RASEF: variants seen among roughly 807,000 people sequenced by gnomAD.
RASEF encodes the protein RAS and EF-hand domain containing.
A neutral mutation model predicts 90.1 loss-of-function variants in RASEF; 68 were observed. That is an observed-to-expected ratio of 0.75 (90% confidence interval 0.62 to 0.92). The LOEUF is 0.92. Ranked by LOEUF, RASEF falls within the 40% of genes least tolerant of loss-of-function variation. The probability of loss-of-function intolerance (pLI) is 0.00; values close to 1 mark genes in which losing one functional copy is unlikely to be tolerated. For synonymous variants in RASEF, 331 were observed against 345.2 expected (o/e 0.96, Z 0.46); for missense variants, 949 against 937.2 (o/e 1.01, Z -0.16).
At chr9:82,990,051 A>T (rs1267556516) in intron 16 of RASEF, among the ~76,000 whole-genome samples, 2 of 152,322 alleles carry the variant, frequency 1.3e-5, no homozygotes, top group East Asian at 3.9e-4. Context: ...GCCCGGGAAA[A>T]TATCATAATA....
At position 83,007,495 on chromosome 9, in the gene RASEF, T is replaced by C. The variant is rs767015983; in HGVS notation, c.970A>G (p.Ile324Val). The change falls in exon 7 of 17, where the codon ATA becomes GTA. Residue 324 changes from isoleucine (I) to valine (V), a missense_variant. Ile to Val is a conservative substitution (Grantham distance 29). Transcript: ENST00000376447. Reference sequence around the variant, plus strand: ...CGATCTTCTGTGTATGCTCGGATTATTTCCAGATCCCTGTAAAATTGTATT... The same window carrying C: ...CGATCTTCTGTGTATGCTCGGATTACTTCCAGATCCCTGTAAAATTGTATT... ...QSLNTERDLE[I>V]IRAYTEDRNS... 10 of 1,612,700 alleles carry C rather than the reference T, an allele frequency of 6.2e-6. No homozygotes were observed. In the East Asian group the frequency reaches 2.2e-4, roughly 36 times the overall value.
chr9:83,185,974 G>C, the RASEF span, among the ~76,000 whole-genome samples: 1,908 of 152,230 alleles, frequency 0.013, 39 homozygotes, highest in African/African-American at 0.044. Flanking sequence ...GGGTGGCGGG[G>C]GGGGCAAGGG....
At chr9:83,176,732 A>G in the RASEF span, among the ~76,000 whole-genome samples, 1 of 152,008 alleles carries the variant, frequency 6.6e-6, no homozygotes, top group Non-Finnish European at 1.5e-5. Context: ...AATTCAAGTG[A>G]GACCTATAAA....
At chr9:82,993,642 G>A (rs1828855875) in intron 14 of RASEF, among the ~76,000 whole-genome samples, 1 of 152,192 alleles carries the variant, frequency 6.6e-6, no homozygotes, top group African/African-American at 2.4e-5. Context: ...AAGTCCTGAA[G>A]GTCAACATTT....
the RASEF span, among the ~76,000 whole-genome samples, chr9:83,151,587 T>C: frequency 1.3e-5 from 2 of 152,218 alleles, no homozygotes. Flanking sequence ...ATTATCTCCA[T>C]TTTGCAACTG....
chr9:83,218,339 C>T, the RASEF span, among the ~76,000 whole-genome samples: 1 of 152,120 alleles, frequency 6.6e-6, no homozygotes, highest in Admixed American at 6.5e-5. Flanking sequence ...TAAAACAACA[C>T]TCCCCTCCCT....
intron 1 of RASEF, chr9:83,048,609 G>A (rs1281402321): frequency 6.1e-6 from 6 of 985,258 alleles, no homozygotes; most frequent in African/African-American, 5.2e-5. Flanking sequence ...GAAAAAGGGC[G>A]AGAAGAGTTT....
At chr9:83,145,800 T>C in the RASEF span, among the ~76,000 whole-genome samples, 2 of 152,064 alleles carry the variant, frequency 1.3e-5, no homozygotes, top group African/African-American at 4.8e-5. Context: ...ACATCTTATG[T>C]GCTATTAAGA....
At chr9:83,166,830 C>G in the RASEF span, among the ~76,000 whole-genome samples, 1 of 152,194 alleles carries the variant, frequency 6.6e-6, no homozygotes, top group African/African-American at 2.4e-5. Context: ...CACTGGCACA[C>G]TCAGGTAGAC....
the RASEF span, among the ~76,000 whole-genome samples, chr9:83,092,402 C>CAG: frequency 6.6e-6 from 1 of 152,060 alleles, no homozygotes; most frequent in Non-Finnish European, 1.5e-5. Flanking sequence ...CGGATATGTT[C>CAG]AGAGTTTCTT....
Position 82,992,877 on chromosome 9 carries a change from T to G in RASEF, c.2040+29A>C, listed in dbSNP as rs1587478395. 6 of 1,611,230 alleles carry G rather than the reference T, an allele frequency of 3.7e-6. No homozygotes were observed. In the East Asian group the frequency reaches 1.3e-4, roughly 36 times the overall value. ...CAAAGCCATTAAACCCCATGTTCTC[T>G]TCTAATTCTGAGGCATCCTCACTCT... On this transcript the variant is annotated intron_variant, in intron 15 of 16. Transcript: ENST00000376447.
chr9:83,067,074 A>G (rs530516161), upstream of RASEF, among the ~76,000 whole-genome samples: 1 of 152,330 alleles, frequency 6.6e-6, no homozygotes, highest in Admixed American at 6.5e-5. Flanking sequence ...AAGTAGGGAA[A>G]GCTTTTAGTG....
chr9:83,015,873 T>C lies in RASEF; in HGVS notation c.697A>G (p.Ser233Gly), dbSNP rs776724090. Residue 233 changes from serine (S) to glycine (G), a missense_variant, in exon 4 of 17, where the codon AGT becomes GGT. Transcript: ENST00000376447. ...DEKRKAEEAL[S>G]DLRRQYETEV... ...GTTTCATACTGACGTCTGAGGTCAC[T>C]GAGGGCTTCCTCAGCTTTGCGTTTT... 6.2e-6 allele frequency: 10 copies of C among 1,613,888 alleles called. No individual in the cohort carries two copies. In the Admixed American group the frequency reaches 6.7e-5, roughly 11 times the overall value.
the RASEF span, among the ~76,000 whole-genome samples, chr9:83,172,860 C>T: frequency 6.6e-6 from 1 of 151,862 alleles, no homozygotes; most frequent in Non-Finnish European, 1.5e-5. Context: ...TCACTTTTAT[C>T]CCTTAAGATG....
chr9:83,190,012 A>G, the RASEF span, among the ~76,000 whole-genome samples: 3 of 152,032 alleles, frequency 2.0e-5, no homozygotes, highest in Admixed American at 2.0e-4. Context: ...AGCTGCCCCA[A>G]ATGTTCTGCT....
the RASEF span, among the ~76,000 whole-genome samples, chr9:83,215,140 C>A: frequency 6.6e-6 from 1 of 151,708 alleles, no homozygotes; most frequent in East Asian, 2.0e-4. Context: ...ACTGGACAGC[C>A]CAACTCCAGG....
rs2118342370 is a variant in RASEF at position 82,982,681 on chromosome 9, C to T, written c.2219G>A (p.Gly740Asp). 6.5e-7 allele frequency: 1 copy of T among 1,546,270 alleles called. No individual in the cohort carries two copies. The highest frequency in any genetic ancestry group is 2.2e-5 in the East Asian group (1 of 44,502). The change falls in exon 17 of 17, where the codon GGC (glycine) becomes GAC (aspartate). Residue 740 changes from glycine (G) to aspartate (D), a missense_variant. Gly to Asp is a moderately conservative substitution (Grantham distance 94, BLOSUM62 -1). Transcript: ENST00000376447. ...CAGGCCAAGGATGTTTGGGATTTAG[C>T]CATTGCAACAATTCTTCATCTGTGG... is the stretch of plus-strand genomic sequence containing the variant. ...KSPQMKNCCNG is the reference protein window; with the variant it reads ...KSPQMKNCCND
chr9:83,054,577 G>A (rs1421529830), intron 1 of RASEF: 1 of 149,800 alleles, frequency 6.7e-6, no homozygotes, highest in African/African-American at 2.5e-5. Flanking sequence ...GCTTTGTTCT[G>A]TTGCTGGTGA....
At chr9:83,029,393 CTT>C (rs869144602) in intron 1 of RASEF, among the ~76,000 whole-genome samples, 23 of 134,740 alleles carry the variant, frequency 1.7e-4, no homozygotes, top group Admixed American at 3.0e-4. Context: ...GACTTGCCTT[CTT>C]TTTTTTTTTT....
Sources: allele counts gnomAD v4.1 joint callset (sites outside exome capture counted in the v4.1 genomes callset), GRCh38; gene constraint gnomAD v4.1.1; transcripts MANE v1.5; gene names NCBI Gene and HGNC (gene_info 2026-07-23, HGNC 2026-07-21).